Variants in KLF12 observed in about 807,000 individuals in gnomAD.
KLF12 encodes the protein KLF transcription factor 12.
Under a neutral mutation model 37.8 loss-of-function variants are expected in KLF12, and 9 were observed. The ratio of observed to expected loss-of-function variants is 0.24; its 90% confidence interval spans 0.14 to 0.42. The LOEUF is 0.42. Among genes scored for constraint, KLF12 ranks in the 10% least tolerant of loss-of-function variants. KLF12 has a pLI of 1.00. For missense variants in KLF12, 411 were observed against 516.0 expected, an observed-to-expected ratio of 0.80 and a Z score of 1.97; for synonymous variants, 208 against 202.1, an observed-to-expected ratio of 1.03 and a Z score of -0.25.
chr13:73,866,113 G>A (rs1456838440), intron 3 of KLF12, among the ~76,000 whole-genome samples: 2 of 152,030 alleles, frequency 1.3e-5, no homozygotes, highest in Non-Finnish European at 2.9e-5. Flanking sequence ...AAAATTAGCC[G>A]GGAATGGTGG....
chr13:74,296,162 G>A, the KLF12 span, among the ~76,000 whole-genome samples: 1 of 151,030 alleles, frequency 6.6e-6, no homozygotes. Context: ...TTAATTTTCA[G>A]GGCTGGTTTT....
chr13:74,187,083 T>C, the KLF12 span, among the ~76,000 whole-genome samples: 1 of 152,208 alleles, frequency 6.6e-6, no homozygotes, highest in African/African-American at 2.4e-5. Context: ...CGCTTCCTTC[T>C]AGGAATGACA....
chr13:73,952,666 C>T (rs528004590), intron 2 of KLF12, among the ~76,000 whole-genome samples: 13 of 152,194 alleles, frequency 8.5e-5, no homozygotes, highest in East Asian at 5.8e-4. Flanking sequence ...GTGAACAAGA[C>T]GGAAAGGCTC....
At chr13:73,911,707 CTA>C (rs1301743249) in intron 3 of KLF12, among the ~76,000 whole-genome samples, 1 of 152,150 alleles carries the variant, frequency 6.6e-6, no homozygotes, top group Non-Finnish European at 1.5e-5. Flanking sequence ...GTAATAAACA[CTA>C]TGTCAGAAGT....
the KLF12 span, among the ~76,000 whole-genome samples, chr13:74,157,200 A>ACAAAT: frequency 6.6e-6 from 1 of 152,226 alleles, no homozygotes; most frequent in African/African-American, 2.4e-5. Flanking sequence ...TATTTGCTTT[A>ACAAAT]TTTAGCAAAG....
chr13:74,206,701 A>G, the KLF12 span, among the ~76,000 whole-genome samples: 1 of 152,216 alleles, frequency 6.6e-6, no homozygotes, highest in Non-Finnish European at 1.5e-5. Context: ...TTTAGGCTAC[A>G]CTTTGTCTTT....
intron 3 of KLF12, among the ~76,000 whole-genome samples, chr13:73,853,313 T>C (rs923987837): frequency 6.6e-6 from 1 of 152,242 alleles, no homozygotes; most frequent in African/African-American, 2.4e-5. Flanking sequence ...ATCATATTAT[T>C]TACCTGAAGC....
intron 2 of KLF12, among the ~76,000 whole-genome samples, chr13:73,965,079 C>T (rs1891137842): frequency 6.6e-6 from 1 of 152,112 alleles, no homozygotes; most frequent in East Asian, 1.9e-4. Context: ...CTCAGGTACA[C>T]TTGTAACCCA....
At chr13:74,091,965 C>T (rs1875689057) in intron 1 of KLF12, among the ~76,000 whole-genome samples, 3 of 149,966 alleles carry the variant, frequency 2.0e-5, no homozygotes, top group African/African-American at 7.3e-5. Flanking sequence ...TTGCTGTGGG[C>T]ATAAAACTGC....
intron 3 of KLF12, among the ~76,000 whole-genome samples, chr13:73,904,957 C>CA (rs59392777): frequency 0.47 from 65,597 of 138,570 alleles, 15,567 homozygotes; most frequent in Non-Finnish European, 0.58. Flanking sequence ...TTATCCTAAG[C>CA]AAAAAAAAAA....
intron 1 of KLF12, among the ~76,000 whole-genome samples, chr13:74,112,663 T>C (rs1479966310): frequency 6.6e-6 from 1 of 152,164 alleles, no homozygotes; most frequent in Non-Finnish European, 1.5e-5. Flanking sequence ...AGATGTTGTG[T>C]GTGTTCTTAC....
the KLF12 span, among the ~76,000 whole-genome samples, chr13:74,265,310 T>C: frequency 2.0e-5 from 3 of 152,182 alleles, no homozygotes; most frequent in Non-Finnish European, 4.4e-5. Flanking sequence ...CATTTATTCG[T>C]GCTTTCCCTA....
chr13:73,960,426 T>G (rs552320039), intron 2 of KLF12: 43 of 264,094 alleles, frequency 1.6e-4, no homozygotes, highest in Admixed American at 9.9e-4. Context: ...TCTATACAAT[T>G]AAAATAAATG....
chr13:73,872,987 A>G (rs903985603), intron 3 of KLF12, among the ~76,000 whole-genome samples: 2 of 152,138 alleles, frequency 1.3e-5, no homozygotes, highest in African/African-American at 4.8e-5. Context: ...TTTGTGGTAT[A>G]AATGAGTGAA....
At chr13:74,106,058 G>A (rs1876633858) in intron 1 of KLF12, among the ~76,000 whole-genome samples, 1 of 152,106 alleles carries the variant, frequency 6.6e-6, no homozygotes, top group Non-Finnish European at 1.5e-5. Context: ...CACATTAAGT[G>A]GGAATTCAAG....
chr13:74,063,694 A>G (rs1260197924), intron 1 of KLF12, among the ~76,000 whole-genome samples: 2 of 152,218 alleles, frequency 1.3e-5, no homozygotes, highest in Non-Finnish European at 2.9e-5. Context: ...TAATACTCAA[A>G]TAGATTTGAA....
intron 3 of KLF12, among the ~76,000 whole-genome samples, chr13:73,928,794 G>A (rs966138902): frequency 1.3e-5 from 2 of 152,152 alleles, no homozygotes; most frequent in Non-Finnish European, 2.9e-5. Flanking sequence ...GAAGCTGGGT[G>A]ACCCTCAAGT....
At chr13:73,915,077 C>T (rs1287313326) in intron 3 of KLF12, among the ~76,000 whole-genome samples, 2 of 152,118 alleles carry the variant, frequency 1.3e-5, no homozygotes, top group Non-Finnish European at 2.9e-5. Flanking sequence ...AGGTGAAAAT[C>T]CATTCTTAGC....
In KLF12 at chr13:73,904,464, CTTTCCT is replaced by C. The variant is rs1281953710; in HGVS notation, c.123+39511_123+39516del. Among the ~76,000 whole-genome samples the C allele has an allele frequency of 3.5e-4, 22 of 62,990 alleles. 1 individual carries two copies. Among genetic ancestry groups the C allele is most frequent in the Middle Eastern group, 7.8e-3 (1 of 128 alleles). The allele number at this position is 62,990 out of a possible 152,430, so 41.3% of individuals were successfully genotyped here. ...AAAGACAGTTTCTCATGTTTTCTTT[CTTTCCT>C]TTTTTTTTTTTTTTTTTTTTTTACT... On this transcript the variant is annotated intron_variant, in intron 3 of 7. Transcript: ENST00000377669.
Sources: gnomAD v4.1 joint callset for allele counts (sites outside exome capture counted in the v4.1 genomes callset) on GRCh38, gnomAD v4.1.1 for gene constraint, MANE v1.5 for transcripts, NCBI Gene and HGNC (gene_info 2026-07-23, HGNC 2026-07-21) for gene names.